The following GPC6 variants were observed in gnomAD, a reference collection of about 807,000 sequenced individuals.
GPC6 encodes the protein glypican 6, also known as glypican-6.
In GPC6, 14 loss-of-function variants were observed where a neutral mutation model predicts 55.2. That is an observed-to-expected ratio of 0.25 (90% CI 0.17 to 0.40). GPC6 has a LOEUF of 0.40. Among genes scored for constraint, GPC6 ranks in the 10% least tolerant of loss-of-function variants. GPC6 has a pLI of 1.00. For synonymous variants in GPC6, 278 were observed against 259.6 expected, an observed-to-expected ratio of 1.07 and a Z score of -0.68; for missense variants, 641 against 708.5, an observed-to-expected ratio of 0.90 and a Z score of 1.08.
chr13:93,290,592 C>G (rs954786897), intron 1 of GPC6, among the ~76,000 whole-genome samples: 1 of 152,162 alleles, frequency 6.6e-6, no homozygotes, highest in East Asian at 1.9e-4. Flanking sequence ...AGAGGAATCC[C>G]CTTCCCCTCC....
chr13:93,715,069 CT>C (rs1314481855), intron 2 of GPC6, among the ~76,000 whole-genome samples: 1 of 151,574 alleles, frequency 6.6e-6, no homozygotes, highest in African/African-American at 2.4e-5. Context: ...TTACTGTATC[CT>C]GTCTTATCAG....
chr13:93,881,382 A>G (rs941082667), intron 3 of GPC6, among the ~76,000 whole-genome samples: 1 of 152,140 alleles, frequency 6.6e-6, no homozygotes, highest in African/African-American at 2.4e-5. Context: ...CCTGCTTCTT[A>G]ACATATGCTA....
intron 2 of GPC6, among the ~76,000 whole-genome samples, chr13:93,624,127 T>TC (rs1879089716): frequency 6.6e-6 from 1 of 151,962 alleles, no homozygotes; most frequent in Admixed American, 6.6e-5. Context: ...TTTTTTTTTT[T>TC]TTTCCTCTTC....
At chr13:94,150,425 G>A (rs1002181046) in intron 4 of GPC6, among the ~76,000 whole-genome samples, 1 of 151,906 alleles carries the variant, frequency 6.6e-6, no homozygotes, top group Admixed American at 6.6e-5. Context: ...CAGCTTTTTA[G>A]TGTGTCTTCC....
chr13:93,845,594 T>C (rs371497492), intron 3 of GPC6, among the ~76,000 whole-genome samples: 45 of 142,240 alleles, frequency 3.2e-4, no homozygotes, highest in South Asian at 2.4e-4. Flanking sequence ...AAATGTCCAA[T>C]AATGATAGAC....
chr13:94,059,630 T>G (rs555196798), intron 4 of GPC6, among the ~76,000 whole-genome samples: 1 of 152,146 alleles, frequency 6.6e-6, no homozygotes, highest in South Asian at 2.1e-4. Context: ...AGATATTTAT[T>G]TTTCACAGTT....
At chr13:93,882,088 T>C (rs1213105671) in intron 3 of GPC6, among the ~76,000 whole-genome samples, 1 of 151,808 alleles carries the variant, frequency 6.6e-6, no homozygotes, top group East Asian at 1.9e-4. Context: ...TTCTTTTTTT[T>C]CTTTCTTTCT....
chr13:94,389,424 T>C (rs1163294124), intron 7 of GPC6, among the ~76,000 whole-genome samples: 5 of 152,114 alleles, frequency 3.3e-5, no homozygotes, highest in Non-Finnish European at 7.4e-5. Context: ...ATAAAGCTTT[T>C]ATATGGTTAG....
chr13:93,987,678 C>T (rs1472393401), intron 3 of GPC6, among the ~76,000 whole-genome samples: 2 of 152,154 alleles, frequency 1.3e-5, no homozygotes, highest in Admixed American at 1.3e-4. Context: ...TATTTCTATA[C>T]AATCATAGTG....
intron 1 of GPC6, among the ~76,000 whole-genome samples, chr13:93,296,214 T>C (rs1878492015): frequency 6.6e-6 from 1 of 152,218 alleles, no homozygotes; most frequent in Non-Finnish European, 1.5e-5. Flanking sequence ...TTGACTTTTC[T>C]CTATTTCTCA....
At chr13:93,855,112 CAT>C (rs1367527897) in intron 3 of GPC6, among the ~76,000 whole-genome samples, 7 of 151,670 alleles carry the variant, frequency 4.6e-5, no homozygotes, top group South Asian at 2.1e-4. Context: ...CATCTAATAA[CAT>C]GTGTTCACTT....
At chr13:94,072,517 C>G (rs578145496) in intron 4 of GPC6, among the ~76,000 whole-genome samples, 1 of 152,232 alleles carries the variant, frequency 6.6e-6, no homozygotes. Flanking sequence ...CCACGTCCGG[C>G]TAATTTTTGT....
At chr13:93,916,535 C>T (rs1877304064) in intron 3 of GPC6, among the ~76,000 whole-genome samples, 1 of 152,150 alleles carries the variant, frequency 6.6e-6, no homozygotes, top group Non-Finnish European at 1.5e-5. Context: ...CTCATTGGTA[C>T]TGTAGGAATG....
intron 4 of GPC6, among the ~76,000 whole-genome samples, chr13:94,037,277 A>G (rs1415430457): frequency 6.6e-6 from 1 of 151,938 alleles, no homozygotes; most frequent in Non-Finnish European, 1.5e-5. Flanking sequence ...ATGTTCGGCA[A>G]GTTCTTGGTG....
Position 93,830,476 on chromosome 13 carries a change from C to T in GPC6, c.642C>T (p.Ala214=), listed in dbSNP as rs780378622. ...AACTGAAGATTCAGGTTACCCGCGC[C>T]TTCATTGCTGCCAGGACCTTTGTCC... ...PRKLKIQVTR[A]FIAARTFVQG... The change falls in exon 3 of 9, where the codon GCC becomes GCT. Residue 214 remains alanine (A), a synonymous_variant. Coordinates refer to ENST00000377047, the MANE Select transcript of GPC6 (RefSeq NM_005708.5). 1.9e-6 allele frequency: 3 copies of T among 1,613,864 alleles called. No individual in the cohort carries two copies. Among genetic ancestry groups the T allele is most frequent in the Non-Finnish European group, 2.5e-6 (3 of 1,179,958 alleles).
chr13:94,016,985 C>T (rs527958869), intron 3 of GPC6, among the ~76,000 whole-genome samples: 13 of 152,206 alleles, frequency 8.5e-5, no homozygotes, highest in Admixed American at 8.5e-4. Flanking sequence ...CAGGTGCCCG[C>T]CACCATGCCC....
intron 4 of GPC6, among the ~76,000 whole-genome samples, chr13:94,208,598 G>T (rs970282841): frequency 6.6e-6 from 1 of 151,912 alleles, no homozygotes; most frequent in African/African-American, 2.4e-5. Context: ...AAAGTGCAGG[G>T]ATTTGTCCTT....
chr13:93,775,406 G>A (rs556027532), intron 2 of GPC6, among the ~76,000 whole-genome samples: 37 of 152,278 alleles, frequency 2.4e-4, no homozygotes, highest in Admixed American at 2.1e-3. Context: ...TTTAGGTTTC[G>A]TATCTGAGAT....
intron 2 of GPC6, among the ~76,000 whole-genome samples, chr13:93,687,707 A>G (rs1882100120): frequency 6.6e-6 from 1 of 152,096 alleles, no homozygotes; most frequent in Non-Finnish European, 1.5e-5. Context: ...TATTAATGTT[A>G]TCTGTTACTA....
Sources: gnomAD v4.1 joint callset for allele counts (sites outside exome capture counted in the v4.1 genomes callset) on GRCh38, gnomAD v4.1.1 for gene constraint, MANE v1.5 for transcripts, NCBI Gene and HGNC (gene_info 2026-07-23, HGNC 2026-07-21) for gene names.